LDB2: variants seen among roughly 807,000 people sequenced by gnomAD.
LDB2 encodes the protein LIM domain-binding protein 2.
In LDB2, 12 loss-of-function variants were observed where a neutral mutation model predicts 44.3. The observed-to-expected ratio is 0.27, with a 90% CI of 0.17 to 0.44. The LOEUF is 0.44. Ranked by LOEUF, LDB2 falls within the 20% of genes least tolerant of loss-of-function variation. The probability of loss-of-function intolerance (pLI) is 1.00; values close to 1 mark genes in which losing one functional copy is unlikely to be tolerated. For missense variants in LDB2, 344 were observed against 473.5 expected (o/e 0.73, Z 2.54); for synonymous variants, 164 against 174.8 (o/e 0.94, Z 0.49).
intron 2 of LDB2, among the ~76,000 whole-genome samples, chr4:16,658,811 G>A (rs1740654682): frequency 6.6e-6 from 1 of 152,158 alleles, no homozygotes; most frequent in Admixed American, 6.5e-5. Context: ...TAACCTCCCT[G>A]AGGGGTGTAT....
intron 2 of LDB2, among the ~76,000 whole-genome samples, chr4:16,675,434 T>G (rs2152562651): frequency 6.6e-6 from 1 of 152,234 alleles, no homozygotes; most frequent in South Asian, 2.1e-4. Flanking sequence ...ATTGATTCAT[T>G]GAGGGTCATC....
At chr4:16,860,259 CTAA>C (rs1489544855) in intron 1 of LDB2, among the ~76,000 whole-genome samples, 3 of 152,202 alleles carry the variant, frequency 2.0e-5, no homozygotes, top group Admixed American at 6.5e-5. Context: ...CATTTAAATA[CTAA>C]TGAGACCTTT....
intron 5 of LDB2, among the ~76,000 whole-genome samples, chr4:16,565,905 G>A (rs1292855488): frequency 6.6e-6 from 1 of 151,712 alleles, no homozygotes; most frequent in East Asian, 1.9e-4. Context: ...ATTAAGAAAT[G>A]GAAAATATGT....
At chr4:16,645,250 T>C (rs563438016) in intron 2 of LDB2, among the ~76,000 whole-genome samples, 1 of 152,274 alleles carries the variant, frequency 6.6e-6, no homozygotes, top group Admixed American at 6.5e-5. Flanking sequence ...TAAAAAAGGA[T>C]TGGTGGCCGG....
chr4:16,657,211 T>C lies in LDB2; in HGVS notation c.236-61336A>G, dbSNP rs925483997. ...AAAAGGCTGTTACTGGGAAATGTGG[T>C]TCCTAGAATGTGGTTACTAAAAAAT... is the stretch of plus-strand genomic sequence containing the variant. On this transcript the variant is annotated intron_variant, in intron 2 of 7. Transcript: ENST00000304523. Among the ~76,000 whole-genome samples, 3 of 152,218 alleles carry C rather than the reference T, an allele frequency of 2.0e-5. No individual in the cohort carries two copies. In the South Asian group the frequency reaches 6.2e-4, roughly 32 times the overall value.
intron 2 of LDB2, among the ~76,000 whole-genome samples, chr4:16,673,308 G>A (rs568648904): frequency 6.6e-6 from 1 of 152,296 alleles, no homozygotes; most frequent in South Asian, 2.1e-4. Context: ...ACTAAACTGA[G>A]ACTATGTTCA....
At chr4:16,556,950 A>G (rs528295027) in intron 5 of LDB2, among the ~76,000 whole-genome samples, 2 of 152,220 alleles carry the variant, frequency 1.3e-5, no homozygotes, top group Admixed American at 6.5e-5. Context: ...TTTCAAGTAG[A>G]TTTTTAAATA....
At chr4:16,628,216 G>A (rs932137256) in intron 2 of LDB2, among the ~76,000 whole-genome samples, 1 of 152,184 alleles carries the variant, frequency 6.6e-6, no homozygotes, top group Non-Finnish European at 1.5e-5. Flanking sequence ...TATACGGGTT[G>A]CATTACTCTG....
intron 7 of LDB2, among the ~76,000 whole-genome samples, chr4:16,505,154 A>G (rs2152202000): frequency 6.6e-6 from 1 of 152,362 alleles, no homozygotes; most frequent in Non-Finnish European, 1.5e-5. Context: ...TACTATGAAC[A>G]TAGTGGTTTG....
rs952700067 is a variant in LDB2, at chr4:16,512,482, A to C, written c.616-378T>G. 3.3e-5 allele frequency among the ~76,000 whole-genome samples: 5 copies of C among 151,840 alleles called. No individual in the cohort carries two copies. In the East Asian group the frequency reaches 5.8e-4, roughly 18 times the overall value. ...AAACAAAAACAAACAAACAAAAAAA[A>C]CCCCTCTTCTTTCAGCATGCTTCGA... is the stretch of plus-strand genomic sequence containing the variant. On this transcript the variant is annotated intron_variant, in intron 5 of 7. Transcript: ENST00000304523.
At chr4:16,750,044 AAT>A (rs1287419163) in intron 2 of LDB2, among the ~76,000 whole-genome samples, 1 of 152,214 alleles carries the variant, frequency 6.6e-6, no homozygotes, top group Non-Finnish European at 1.5e-5. Flanking sequence ...TAAGATATAC[AAT>A]ATGTTTTGAT....
At chr4:16,560,092 T>C (rs190667257) in intron 5 of LDB2, among the ~76,000 whole-genome samples, 4,536 of 152,230 alleles carry the variant, frequency 0.03, 110 homozygotes, top group Admixed American at 0.064. Flanking sequence ...TTTATAGCAC[T>C]AAATGCCCAC....
chr4:16,867,763 T>C (rs1213418367), intron 1 of LDB2, among the ~76,000 whole-genome samples: 2 of 152,176 alleles, frequency 1.3e-5, no homozygotes, highest in South Asian at 2.1e-4. Flanking sequence ...TATAATCAAA[T>C]AGCTGCACTC....
chr4:16,543,366 T>C (rs1326366348), intron 5 of LDB2, among the ~76,000 whole-genome samples: 5 of 152,242 alleles, frequency 3.3e-5, no homozygotes, highest in Non-Finnish European at 7.3e-5. Flanking sequence ...CCACAATGGT[T>C]GAACTAGTTT....
At chr4:16,542,110 G>C (rs932321296) in intron 5 of LDB2, among the ~76,000 whole-genome samples, 1 of 143,990 alleles carries the variant, frequency 6.9e-6, no homozygotes. Context: ...GTGGGGGGGG[G>C]GGCGCGAGCA....
chr4:16,611,477 T>C (rs1725600269), intron 2 of LDB2, among the ~76,000 whole-genome samples: 1 of 149,672 alleles, frequency 6.7e-6, no homozygotes, highest in African/African-American at 2.5e-5. Flanking sequence ...CCATCTTACA[T>C]GCAAAGAAAC....
At chr4:16,619,749 C>T (rs567812365) in intron 2 of LDB2, among the ~76,000 whole-genome samples, 2 of 151,552 alleles carry the variant, frequency 1.3e-5, no homozygotes, top group Admixed American at 1.3e-4. Flanking sequence ...TGTTTTATTA[C>T]CCCTAGAACT....
intron 6 of LDB2, among the ~76,000 whole-genome samples, chr4:16,509,095 G>GTAAC (rs1163404922): frequency 2.0e-5 from 3 of 152,152 alleles, no homozygotes; most frequent in Admixed American, 6.5e-5. Context: ...GATCCCTAGG[G>GTAAC]TAACTAACTC....
At chr4:16,722,066 C>CA (rs1218567577) in intron 2 of LDB2, among the ~76,000 whole-genome samples, 7 of 152,164 alleles carry the variant, frequency 4.6e-5, no homozygotes, top group African/African-American at 1.7e-4. Flanking sequence ...GTTCTAGATT[C>CA]AGGTCTGTCA....
Sources: allele counts gnomAD v4.1 joint callset (sites outside exome capture counted in the v4.1 genomes callset), GRCh38; gene constraint gnomAD v4.1.1; transcripts MANE v1.5; gene names NCBI Gene and HGNC (gene_info 2026-07-23, HGNC 2026-07-21).